The following PAEP variants were observed in gnomAD, a reference collection of about 807,000 sequenced individuals.
PAEP encodes the protein progestagen associated endometrial protein.
PAEP carries 28 observed loss-of-function variants against 23.0 expected under a neutral mutation model. The ratio of observed to expected loss-of-function variants is 1.22; its 90% CI spans 0.90 to 1.67. The LOEUF is 1.67. Ranked by LOEUF, PAEP falls within the 40% of genes most tolerant of loss-of-function variation. The pLI, the probability that PAEP is intolerant of heterozygous loss-of-function variation, is 0.00. For synonymous variants in PAEP, 103 were observed against 92.4 expected, an observed-to-expected ratio of 1.12 and a Z score of -0.66; for missense variants, 209 against 226.4, an observed-to-expected ratio of 0.92 and a Z score of 0.49.
At chr9:135,563,283 C>T (rs1314902937) in intron 3 of PAEP, among the ~76,000 whole-genome samples, 1 of 143,394 alleles carries the variant, frequency 7.0e-6, no homozygotes, top group African/African-American at 2.6e-5. Flanking sequence ...GGTAGGTGAA[C>T]AGGTGGGTAG....
intron 1 of PAEP, 121 bp downstream of exon 1, chr9:135,562,018 G>A (rs1340963726): frequency 3.9e-5 from 33 of 836,974 alleles, no homozygotes; most frequent in African/African-American, 1.4e-4. Context: ...ACGCCATGAC[G>A]TCAGGAAGCC....
Position 135,561,863 on chromosome 9 carries a change from T to C in PAEP, c.62T>C (p.Ile21Thr), listed in dbSNP as rs1374802336. 1 of 1,566,790 alleles carries C rather than the reference T, an allele frequency of 6.4e-7. No homozygotes were observed. Among genetic ancestry groups the C allele is most frequent in the South Asian group, 1.2e-5 (1 of 85,220 alleles). The change falls in exon 1 of 7, where the codon ATC becomes ACC. Residue 21 changes from isoleucine (I) to threonine (T), a missense_variant. Coordinates refer to ENST00000479141, the MANE Select transcript of PAEP (RefSeq NM_002571.4). Reference sequence around the variant, plus strand: ...GTCTGTGGTGTCCCGGCCATGGACATCCCCCAGACCAAGCAGGACCTGGAG... The same window carrying C: ...GTCTGTGGTGTCCCGGCCATGGACACCCCCCAGACCAAGCAGGACCTGGAG... ...ALVCGVPAMD[I>T]PQTKQDLELP...
At chr9:135,564,556 T>C (rs972645990) in intron 4 of PAEP, 75 of 885,422 alleles carry the variant, frequency 8.5e-5, no homozygotes, top group Admixed American at 1.9e-4. Context: ...CAGGCTGGAG[T>C]GTAGTGACGT....
In PAEP at chr9:135,562,879, A is replaced by G. The variant is rs1240038116; in HGVS notation, c.296A>G (p.Lys99Arg). 2 of 1,613,522 alleles carry G rather than the reference A, an allele frequency of 1.2e-6. No homozygotes were observed. The highest frequency in any genetic ancestry group is 1.7e-6 in the Non-Finnish European group (2 of 1,179,556). ...VLGEKTENPK[K>R]FKINYTVANE... ...GGAGAGAAGACTGAGAATCCAAAGA[A>G]GTTCAAGATCAACTGTGAGTGTCCC... The change falls in exon 3 of 7, where the codon AAG becomes AGG. Residue 99 changes from lysine (K) to arginine (R), a missense_variant. Coordinates refer to ENST00000479141, the MANE Select transcript of PAEP (RefSeq NM_002571.4).
At chr9:135,564,532 C>G (rs1832488769) in intron 4 of PAEP, 178 bp downstream of exon 4, 1 of 956,648 alleles carries the variant, frequency 1.0e-6, no homozygotes. Flanking sequence ...GAGAAAGGGT[C>G]TCATTCTGTC....
intron 4 of PAEP, 136 bp downstream of exon 4, chr9:135,564,490 T>C (rs907393988): frequency 1.6e-5 from 24 of 1,462,380 alleles, no homozygotes; most frequent in Non-Finnish European, 2.0e-5. Flanking sequence ...TCTTGGTTTT[T>C]TTTATTTGTT....
chr9:135,563,438 G>C (rs1421547900), intron 3 of PAEP, among the ~76,000 whole-genome samples: 2 of 150,854 alleles, frequency 1.3e-5, no homozygotes, highest in Non-Finnish European at 3.0e-5. Flanking sequence ...AGGTGAGTAG[G>C]TGAACAGGTG....
At chr9:135,565,184 G>A (rs1316548517) in intron 4 of PAEP, among the ~76,000 whole-genome samples, 1 of 152,212 alleles carries the variant, frequency 6.6e-6, no homozygotes, top group Non-Finnish European at 1.5e-5. Context: ...CCAGAGCGGA[G>A]CAGAGGGGGC....
At chr9:135,563,354 T>TTAGGTGGACAGGTGGGCAGGTGGA (rs1832409617) in intron 3 of PAEP, among the ~76,000 whole-genome samples, 1 of 130,196 alleles carries the variant, frequency 7.7e-6, no homozygotes, top group Admixed American at 7.4e-5. Flanking sequence ...GAGCAGGTGG[T>TTAGGTGGACAGGTGGGCAGGTGGA]TAGGTGAACA....
At chr9:135,565,934 G>T (rs916637622) in intron 6 of PAEP, 133 bp downstream of exon 6, 22 of 980,068 alleles carry the variant, frequency 2.2e-5, no homozygotes, top group East Asian at 7.2e-5. Flanking sequence ...ATGAACTGGG[G>T]TCTGGTCTTG....
At position 135,564,237 on chromosome 9, in the gene PAEP, T is replaced by G; in HGVS notation, c.311-7T>G. On this transcript the variant is annotated splice_polypyrimidine_tract_variant and splice_region_variant and intron_variant, in intron 3 of 6. Transcript: ENST00000479141. ...TCTTCCTTTTGGTTCTTCTCTTCTT[T>G]CCCCAGATACGGTGGCGAACGAGGC... 1 of 1,552,224 alleles carries G rather than the reference T, an allele frequency of 6.4e-7. No individual in the cohort carries two copies. The highest frequency in any genetic ancestry group is 8.7e-7 in the Non-Finnish European group (1 of 1,147,184).
chr9:135,565,538 CAGCCTCAGCTGGAGGAG>C, intron 5 of PAEP, 24 bp downstream of exon 5: 1 of 1,593,110 alleles, frequency 6.3e-7, no homozygotes, highest in South Asian at 1.1e-5. Context: ...AGGACACGCC[CAGCCTCAGCTGGAGGAG>C]AAGCTGCCTC....
intron 3 of PAEP, among the ~76,000 whole-genome samples, chr9:135,563,306 C>T (rs1368432277): frequency 6.8e-5 from 2 of 29,474 alleles, no homozygotes; most frequent in African/African-American, 1.3e-4. Context: ...GGGCAGGTGG[C>T]TAGGTGAGTA....
rs145926915 is a variant in PAEP, at chr9:135,562,597, C to T, written c.236+164C>T. Reference sequence around the variant, plus strand: ...ATGAGGGTGGGGTGGAAAACCAGGGCTCCAGACGTTCCCTGTCCCCTTGGA... The same window carrying T: ...ATGAGGGTGGGGTGGAAAACCAGGGTTCCAGACGTTCCCTGTCCCCTTGGA... On this transcript the variant is annotated intron_variant, in intron 2 of 6. Coordinates refer to ENST00000479141, the MANE Select transcript of PAEP (RefSeq NM_002571.4). Among the ~76,000 whole-genome samples, 655 of 152,302 alleles carry T rather than the reference C, an allele frequency of 4.3e-3. 2 individuals are homozygous for T. The highest frequency in any genetic ancestry group is 0.014 in the African/African-American group (600 of 41,568).
rs1461924290 is a variant in PAEP, at chr9:135,566,942, TCC to T, written c.*391_*392del. On this transcript the variant is annotated 3_prime_UTR_variant, in exon 7 of 7. Coordinates refer to ENST00000479141, the MANE Select transcript of PAEP (RefSeq NM_002571.4). ...GTTTCTTATCTACAAAACAAAAGGGTCCACTTTCACAAACTTGTGAAATGTCT... is the reference window on the plus strand; with the variant it reads ...GTTTCTTATCTACAAAACAAAAGGGTACTTTCACAAACTTGTGAAATGTCT... 10 of 152,178 alleles carry T rather than the reference TCC, an allele frequency of 6.6e-5. No individual in the cohort carries two copies. The highest frequency in any genetic ancestry group is 2.2e-4 in the African/African-American group (9 of 41,424). 9.4% of individuals were successfully genotyped at this position (152,178 alleles called of 1,614,324 possible). A position where few individuals can be genotyped will look rare whatever the true frequency, so the allele number is the denominator to read the frequency against.
At chr9:135,563,979 G>A (rs1411333714) in intron 3 of PAEP, among the ~76,000 whole-genome samples, 1 of 152,132 alleles carries the variant, frequency 6.6e-6, no homozygotes, top group Non-Finnish European at 1.5e-5. Flanking sequence ...AGTCTCTCCA[G>A]GTCACAGCCT....
At position 135,561,914 on chromosome 9, in the gene PAEP, G is replaced by A; in HGVS notation, c.96+17G>A. Reference sequence around the variant, plus strand: ...CTCCCAAAGGTTTGAGGCTGGGGGAGCGGGCACTTTACTGTGGGAGGCCTG... The same window carrying A: ...CTCCCAAAGGTTTGAGGCTGGGGGAACGGGCACTTTACTGTGGGAGGCCTG... On this transcript the variant is annotated intron_variant, in intron 1 of 6. Transcript: ENST00000479141. The A allele has an allele frequency of 1.9e-6, 3 of 1,548,760 alleles. No individual in the cohort carries two copies. Among genetic ancestry groups the A allele is most frequent in the Non-Finnish European group, 2.6e-6 (3 of 1,143,904 alleles).
chr9:135,564,381 C>T (rs1398185308), intron 4 of PAEP, 27 bp downstream of exon 4: 25 of 1,547,238 alleles, frequency 1.6e-5, no homozygotes, highest in East Asian at 2.4e-5. Context: ...ATGAGCTCAA[C>T]GTGGGTGAGA....
chr9:135,565,724 G>A (rs764521684), intron 5 of PAEP, 61 bp from the exon 6 acceptor site: 1 of 1,590,070 alleles, frequency 6.3e-7, no homozygotes, highest in African/African-American at 1.3e-5. Flanking sequence ...CCCTGGGGCT[G>A]CTGTGTCCCC....
Sources: allele counts gnomAD v4.1 joint callset (sites outside exome capture counted in the v4.1 genomes callset), GRCh38; gene constraint gnomAD v4.1.1; transcripts MANE v1.5; gene names NCBI Gene and HGNC (gene_info 2026-07-23, HGNC 2026-07-21).